The following ARHGAP22 variants were observed in gnomAD, a reference collection of about 807,000 sequenced individuals.
ARHGAP22 encodes the protein rho GTPase-activating protein 22.
ARHGAP22 carries 48 observed loss-of-function variants against 59.1 expected under a neutral mutation model. That is an observed-to-expected ratio of 0.81 (90% CI 0.64 to 1.03). ARHGAP22 has a LOEUF of 1.03. Among genes scored for constraint, ARHGAP22 ranks in the 50% least tolerant of loss-of-function variants. ARHGAP22 has a pLI of 0.00. For synonymous variants in ARHGAP22, 445 were observed against 416.4 expected, an observed-to-expected ratio of 1.07 and a Z score of -0.84; for missense variants, 1,015 against 958.7, an observed-to-expected ratio of 1.06 and a Z score of -0.78.
At chr10:48,596,771 T>C (rs1379679375) in intron 1 of ARHGAP22, among the ~76,000 whole-genome samples, 1 of 152,220 alleles carries the variant, frequency 6.6e-6, no homozygotes, top group African/African-American at 2.4e-5. Flanking sequence ...GAAGAGACCG[T>C]GCCCCCTTTA....
intron 3 of ARHGAP22, among the ~76,000 whole-genome samples, chr10:48,498,558 C>T (rs530491009): frequency 1.3e-5 from 2 of 152,296 alleles, no homozygotes; most frequent in East Asian, 1.9e-4. Context: ...TCCCTCTGCC[C>T]GGCCCCCTGC....
At chr10:48,564,136 A>G (rs956582521) in intron 2 of ARHGAP22, among the ~76,000 whole-genome samples, 10 of 152,252 alleles carry the variant, frequency 6.6e-5, no homozygotes, top group Non-Finnish European at 1.2e-4. Flanking sequence ...ACAACTTTAA[A>G]ATAAAATGTC....
chr10:48,437,228 CTT>C, the ARHGAP22 span: 1 of 152,170 alleles, frequency 6.6e-6, no homozygotes. Flanking sequence ...AACAAGGTCT[CTT>C]TGTTAAATGT....
chr10:48,652,877 C>G (rs1332811882), upstream of ARHGAP22, among the ~76,000 whole-genome samples: 2 of 152,204 alleles, frequency 1.3e-5, no homozygotes, highest in Non-Finnish European at 2.9e-5. Context: ...ATGTGAGACC[C>G]TCACCAGGCA....
downstream of ARHGAP22, chr10:48,444,862 G>C (rs1442380080): frequency 6.6e-6 from 1 of 152,202 alleles, no homozygotes; most frequent in Non-Finnish European, 1.5e-5. Flanking sequence ...CTCTCCTTGA[G>C]TAGAGGGGAG....
At chr10:48,585,518 G>T (rs528869899) in intron 1 of ARHGAP22, among the ~76,000 whole-genome samples, 1 of 152,288 alleles carries the variant, frequency 6.6e-6, no homozygotes, top group East Asian at 1.9e-4. Flanking sequence ...ATGGCCTGGG[G>T]TATAATACTG....
At chr10:48,539,022 T>C (rs575673019) in intron 3 of ARHGAP22, among the ~76,000 whole-genome samples, 46 of 152,336 alleles carry the variant, frequency 3.0e-4, no homozygotes, top group African/African-American at 1.0e-3. Flanking sequence ...TACTTGAAGA[T>C]GAAAAACTCA....
intron 1 of ARHGAP22, among the ~76,000 whole-genome samples, chr10:48,620,905 G>T (rs1163913015): frequency 6.6e-6 from 1 of 152,222 alleles, no homozygotes; most frequent in Non-Finnish European, 1.5e-5. Flanking sequence ...AGGCCTTGCT[G>T]CTTCACCTTC....
downstream of ARHGAP22, chr10:48,446,008 G>A: frequency 3.6e-6 from 1 of 276,806 alleles, no homozygotes; most frequent in Non-Finnish European, 6.8e-6. Flanking sequence ...TGCGAGGCAT[G>A]AAAAATGAGC....
intron 2 of ARHGAP22, among the ~76,000 whole-genome samples, chr10:48,578,097 C>T (rs1329822822): frequency 3.3e-5 from 5 of 152,176 alleles, no homozygotes; most frequent in African/African-American, 1.2e-4. Flanking sequence ...GCGTGAGCCA[C>T]TGCGCCTGGC....
chr10:48,617,372 T>C (rs1476498493), intron 1 of ARHGAP22, among the ~76,000 whole-genome samples: 2 of 152,010 alleles, frequency 1.3e-5, no homozygotes, highest in African/African-American at 4.8e-5. Context: ...ACATTTACGG[T>C]ACACTTCATC....
chr10:48,524,689 T>G (rs2054172979), intron 3 of ARHGAP22, among the ~76,000 whole-genome samples: 1 of 152,116 alleles, frequency 6.6e-6, no homozygotes, highest in Admixed American at 6.5e-5. Flanking sequence ...CCAGCTCACC[T>G]GTACTGTGCA....
chr10:48,530,213 G>A, intron 3 of ARHGAP22, among the ~76,000 whole-genome samples: 1 of 142,590 alleles, frequency 7.0e-6, no homozygotes, highest in East Asian at 2.1e-4. Context: ...CTCCAACCTG[G>A]GAGGCAGAGT....
At chr10:48,521,292 C>T (rs900840713) in intron 3 of ARHGAP22, among the ~76,000 whole-genome samples, 6 of 152,186 alleles carry the variant, frequency 3.9e-5, no homozygotes, top group African/African-American at 1.2e-4. Context: ...CCCACTGTGC[C>T]CACCTACAGC....
downstream of ARHGAP22, among the ~76,000 whole-genome samples, chr10:48,442,101 A>G (rs538522829): frequency 1.3e-5 from 2 of 152,336 alleles, no homozygotes; most frequent in Non-Finnish European, 2.9e-5. Context: ...GTGTGACATG[A>G]GTACACTGCA....
intron 2 of ARHGAP22, among the ~76,000 whole-genome samples, chr10:48,557,241 G>A (rs11594078): frequency 0.13 from 19,125 of 152,076 alleles, 1,592 homozygotes; most frequent in Middle Eastern, 0.27. Context: ...TGGCTAACGG[G>A]ATGCATCTTG....
chr10:48,468,468 G>GC (rs1423444001), intron 4 of ARHGAP22, among the ~76,000 whole-genome samples: 1 of 152,178 alleles, frequency 6.6e-6, no homozygotes, highest in East Asian at 1.9e-4. Flanking sequence ...CCTTGCTGTA[G>GC]CCCCTGGAAG....
intron 5 of ARHGAP22, 76 bp downstream of exon 5, chr10:48,459,608 A>C: frequency 6.5e-7 from 1 of 1,531,228 alleles, no homozygotes; most frequent in South Asian, 1.2e-5. Context: ...TGCCCACTGG[A>C]GCTGGTGTCC....
chr10:48,473,490 G>A (rs1457191720), intron 4 of ARHGAP22, among the ~76,000 whole-genome samples: 1 of 151,828 alleles, frequency 6.6e-6, no homozygotes, highest in East Asian at 1.9e-4. Flanking sequence ...GCATGTGACA[G>A]GTCTCAATAA....
Sources: allele counts gnomAD v4.1 joint callset (sites outside exome capture counted in the v4.1 genomes callset), GRCh38; gene constraint gnomAD v4.1.1; transcripts MANE v1.5; gene names NCBI Gene and HGNC (gene_info 2026-07-23, HGNC 2026-07-21).